The following SEMA5A variants were observed in gnomAD, a reference collection of about 807,000 sequenced individuals.
SEMA5A encodes semaphorin-5A.
Under a neutral mutation model 135.5 loss-of-function variants are expected in SEMA5A, and 55 were observed. The ratio of observed to expected loss-of-function variants is 0.41; its 90% CI spans 0.33 to 0.51. The LOEUF (loss-of-function observed/expected upper bound fraction) is 0.51. Ranked by LOEUF, SEMA5A falls within the 20% of genes least tolerant of loss-of-function variation. The probability of loss-of-function intolerance (pLI) is 0.37; values close to 1 mark genes in which losing one functional copy is unlikely to be tolerated. For synonymous variants in SEMA5A, 580 were observed against 546.5 expected, an observed-to-expected ratio of 1.06 and a Z score of -0.85; for missense variants, 1,290 against 1,419.9, an observed-to-expected ratio of 0.91 and a Z score of 1.47.
At chr5:9,122,914 T>C (rs2150186262) in intron 13 of SEMA5A, 77 bp from the exon 14 acceptor site, 1 of 1,291,164 alleles carries the variant, frequency 7.7e-7, no homozygotes, top group Non-Finnish European at 1.0e-6. Context: ...TAAAAATCCC[T>C]CATAAGACAA....
chr5:9,425,621 A>G (rs1469359199), intron 2 of SEMA5A, among the ~76,000 whole-genome samples: 1 of 152,208 alleles, frequency 6.6e-6, no homozygotes, highest in Non-Finnish European at 1.5e-5. Context: ...TTTGAAATCA[A>G]CCACCAATCA....
At chr5:9,062,694 C>G (rs1737248058) in intron 18 of SEMA5A, among the ~76,000 whole-genome samples, 193 bp downstream of exon 18, 1 of 152,154 alleles carries the variant, frequency 6.6e-6, no homozygotes, top group Non-Finnish European at 1.5e-5. Flanking sequence ...TTCTTAGGCT[C>G]AAGTGATTCC....
At chr5:9,279,980 TA>T (rs1258931453) in intron 5 of SEMA5A, among the ~76,000 whole-genome samples, 1 of 152,190 alleles carries the variant, frequency 6.6e-6, no homozygotes, top group Admixed American at 6.5e-5. Context: ...TGTCACTGGC[TA>T]AAATATTAAC....
chr5:9,258,803 C>CTTTT (rs748703578), intron 5 of SEMA5A, among the ~76,000 whole-genome samples: 10,652 of 48,954 alleles, frequency 0.22, 2,525 homozygotes, highest in East Asian at 0.37. Context: ...TTCTTTCTTT[C>CTTTT]TTTTTTTTTT....
intron 2 of SEMA5A, among the ~76,000 whole-genome samples, chr5:9,406,462 GC>G (rs1158576123): frequency 6.6e-6 from 1 of 152,064 alleles, no homozygotes; most frequent in African/African-American, 2.4e-5. Flanking sequence ...ATAAATTTCT[GC>G]TTTGGGAAAA....
chr5:9,263,800 A>C (rs1334408851), intron 5 of SEMA5A, among the ~76,000 whole-genome samples: 1 of 152,214 alleles, frequency 6.6e-6, no homozygotes, highest in Non-Finnish European at 1.5e-5. Context: ...TACTCTAAAG[A>C]AGATGTTCTC....
chr5:9,050,415 C>T lies in SEMA5A; in HGVS notation c.2888G>A (p.Cys963Tyr), dbSNP rs377540107. ...ACTTAAAAGGAATAACGTACCTCCA[C>T]ACCTTTTCTCTTCTACGCTACTGGA... ...ARSSSVEEKR[C>Y]GEFNMFHMIA... is the part of the protein sequence containing the mutation. The change falls in exon 21 of 23, where the codon TGT becomes TAT. Residue 963 changes from cysteine (C) to tyrosine (Y), a missense_variant. Physicochemically the swap from Cys to Tyr is radical, Grantham distance 194. Around this residue, in one of 3 missense-constraint regions of SEMA5A, gnomAD observed 1,029 missense variants for 1,086.6 expected, o/e 0.95. Transcript: ENST00000382496. 5.6e-6 allele frequency: 9 copies of T among 1,612,170 alleles called. No homozygotes were observed. The African/African-American group carries it at 8.0e-5, about 14-fold the overall frequency.
chr5:9,205,430 A>G (rs763105730), intron 8 of SEMA5A, among the ~76,000 whole-genome samples: 2 of 152,170 alleles, frequency 1.3e-5, no homozygotes, highest in African/African-American at 2.4e-5. Flanking sequence ...AGGAGGGCCA[A>G]CCATAGCCTC....
intron 1 of SEMA5A, among the ~76,000 whole-genome samples, chr5:9,503,425 C>A (rs749598675): frequency 1.1e-4 from 17 of 152,158 alleles, no homozygotes; most frequent in Non-Finnish European, 2.1e-4. Flanking sequence ...TAGAGACTAT[C>A]TATTTCCATG....
chr5:9,144,924 G>T (rs1742252921), intron 12 of SEMA5A, among the ~76,000 whole-genome samples: 1 of 152,164 alleles, frequency 6.6e-6, no homozygotes, highest in Non-Finnish European at 1.5e-5. Context: ...AGCAGCAAAT[G>T]ATTGGCTGGT....
chr5:9,499,060 G>C (rs1385001051), intron 1 of SEMA5A, among the ~76,000 whole-genome samples: 1 of 152,158 alleles, frequency 6.6e-6, no homozygotes, highest in African/African-American at 2.4e-5. Flanking sequence ...CATAGGCAGC[G>C]AAAGGTCCTC....
intron 3 of SEMA5A, among the ~76,000 whole-genome samples, chr5:9,360,278 G>A (rs1331233161): frequency 6.6e-6 from 1 of 152,202 alleles, no homozygotes; most frequent in Non-Finnish European, 1.5e-5. Flanking sequence ...GATTCTGTAG[G>A]TGACACTGAT....
intron 8 of SEMA5A, among the ~76,000 whole-genome samples, chr5:9,219,409 G>A (rs563039050): frequency 1.1e-4 from 16 of 152,246 alleles, no homozygotes; most frequent in African/African-American, 3.9e-4. Context: ...GCTCTGGGCT[G>A]AGTTTTGTCT....
rs80319356 is a variant in SEMA5A at position 9,394,793 on chromosome 5, C to T, written c.-77-14770G>A. Among the ~76,000 whole-genome samples the T allele has an allele frequency of 2.4e-3, 365 of 152,132 alleles. 4 individuals are homozygous for T. In the East Asian group the frequency reaches 0.025, roughly 11 times the overall value. On this transcript the variant is annotated intron_variant, in intron 2 of 22. Coordinates refer to ENST00000382496, the MANE Select transcript of SEMA5A (RefSeq NM_003966.3). ...AAGACCAAAGTTATAAGTAGTATGG[C>T]ACATCCATACTATTAAATATTATAC...
At chr5:9,399,739 G>A (rs1381756295) in intron 2 of SEMA5A, among the ~76,000 whole-genome samples, 1 of 152,180 alleles carries the variant, frequency 6.6e-6, no homozygotes, top group African/African-American at 2.4e-5. Context: ...GGGTGTGGCT[G>A]ATGACGGAAA....
rs1742835667 is a variant in SEMA5A, at chr5:9,154,420, T to G, written c.1481+68A>C. ...ATTCAACTTCAGGGCATCTGAAGCC[T>G]CCCTGGCTCTCTCTGGGTGGGCCCT... On this transcript the variant is annotated intron_variant, in intron 12 of 22. Coordinates refer to ENST00000382496, the MANE Select transcript of SEMA5A (RefSeq NM_003966.3). The G allele has an allele frequency of 2.7e-6, 4 of 1,497,316 alleles. No homozygotes were observed. The South Asian group carries it at 4.7e-5, about 17-fold the overall frequency. 92.8% of individuals were successfully genotyped at this position (1,497,316 alleles called of 1,614,324 possible).
At chr5:9,484,717 C>T (rs950821267) in intron 1 of SEMA5A, among the ~76,000 whole-genome samples, 11 of 152,094 alleles carry the variant, frequency 7.2e-5, no homozygotes, top group East Asian at 5.8e-4. Context: ...TGATACCAGG[C>T]GAGTCGGTCT....
chr5:9,241,699 G>C (rs188436919), intron 5 of SEMA5A, among the ~76,000 whole-genome samples: 2 of 152,046 alleles, frequency 1.3e-5, no homozygotes, highest in East Asian at 3.9e-4. Flanking sequence ...GACATACTAC[G>C]GTTAGGATAA....
intron 6 of SEMA5A, among the ~76,000 whole-genome samples, chr5:9,230,102 A>G (rs1016910187): frequency 6.7e-6 from 1 of 150,358 alleles, no homozygotes; most frequent in South Asian, 2.1e-4. Context: ...CTCTCACCTC[A>G]GTCTCCCAAG....
Sources: allele counts gnomAD v4.1 joint callset (sites outside exome capture counted in the v4.1 genomes callset), GRCh38; gene constraint gnomAD v4.1.1; regional missense constraint gnomAD v4.1.1; transcripts MANE v1.5; gene names NCBI Gene and HGNC (gene_info 2026-07-23, HGNC 2026-07-21).